VILL: variants seen among roughly 807,000 people sequenced by gnomAD.
VILL encodes the protein villin-like protein.
In VILL, 102 loss-of-function variants were observed where a neutral mutation model predicts 106.3. That is an observed-to-expected ratio of 0.96 (90% CI 0.82 to 1.13). VILL has a LOEUF of 1.13. VILL is among the 50% of genes most tolerant of loss of function. VILL has a pLI of 0.00. For missense variants in VILL, 1,076 were observed against 1,116.6 expected, an observed-to-expected ratio of 0.96 and a Z score of 0.52; for synonymous variants, 431 against 440.3, an observed-to-expected ratio of 0.98 and a Z score of 0.27.
intron 10 of VILL, 106 bp from the exon 11 acceptor site, chr3:37,999,233 G>A (rs1265119607): frequency 1.6e-6 from 2 of 1,212,856 alleles, no homozygotes; most frequent in Admixed American, 3.3e-5. Context: ...TGCGGAGGAC[G>A]CGGCGGGACC....
Position 38,005,978 on chromosome 3 carries a change from AG to A in VILL, c.2133+5del. On this transcript the variant is annotated splice_donor_5th_base_variant and intron_variant, in intron 17 of 19. Coordinates refer to ENST00000383759, the MANE Select transcript of VILL (RefSeq NM_015873.4). ...TTGGGACCCCTACAAGTGGACTGTG[AG>A]TGAGGCCTGAAACCCCCAGCCCTAC... 1 of 1,607,996 alleles carries A rather than the reference AG, an allele frequency of 6.2e-7. No individual in the cohort carries two copies. Among genetic ancestry groups the A allele is most frequent in the South Asian group, 1.1e-5 (1 of 90,634 alleles).
In VILL at chr3:38,006,556, G is replaced by A. The variant is rs919917389; in HGVS notation, c.2313G>A (p.Val771=). The part of the protein sequence containing the change: ...GSQDSSENDL[V]RSPKSAGSRT... Reference sequence around the variant, plus strand: ...AGGACAGCTCAGAGAATGATCTGGTGCGAAGCCCCAAGTCGGCTGGCAGCA... The same window carrying A: ...AGGACAGCTCAGAGAATGATCTGGTACGAAGCCCCAAGTCGGCTGGCAGCA... The change falls in exon 19 of 20, where the codon GTG becomes GTA. Residue 771 remains valine (V), a synonymous_variant. Coordinates refer to ENST00000383759, the MANE Select transcript of VILL (RefSeq NM_015873.4). 1.4e-5 allele frequency: 23 copies of A among 1,614,040 alleles called. No homozygotes were observed. Among genetic ancestry groups the A allele is most frequent in the Non-Finnish European group, 1.9e-5 (22 of 1,180,032 alleles).
intron 18 of VILL, 61 bp from the exon 19 acceptor site, chr3:38,006,388 C>A (rs1381940834): frequency 6.3e-7 from 1 of 1,585,676 alleles, no homozygotes; most frequent in Non-Finnish European, 8.6e-7. Flanking sequence ...GGGTTCAGTG[C>A]AGCCTCCCTG....
At position 37,998,436 on chromosome 3, in the gene VILL, C is replaced by A; in HGVS notation, c.942+72C>A. On this transcript the variant is annotated intron_variant, in intron 9 of 19. Transcript: ENST00000383759. The surrounding 1 kb of genome is among the most constrained non-coding windows in gnomAD (Gnocchi z 4.1). ...GTCTGAGTGGGGAGGCAGCTCCGCC[C>A]CAGGGTCTAAGGGAGGAATCAGCCC... 2 of 1,424,438 alleles carry A rather than the reference C, an allele frequency of 1.4e-6. No homozygotes were observed. The highest frequency in any genetic ancestry group is 2.0e-6 in the Non-Finnish European group (2 of 1,015,794). 88.2% of individuals were successfully genotyped at this position (1,424,438 alleles called of 1,614,324 possible).
rs143137431 is a variant in VILL, at chr3:37,998,943, A to ACAC, written c.977_979dup (p.Thr326dup). 0.017 allele frequency: 27,313 copies of ACAC among 1,609,984 alleles called. 455 individuals carry two copies. The highest frequency in any genetic ancestry group is 0.091 in the East Asian group (4,039 of 44,590). On this transcript the variant is annotated inframe_insertion, in exon 10 of 20. Transcript: ENST00000383759. The surrounding 1 kb of genome is among the most constrained non-coding windows in gnomAD (Gnocchi z 4.1). ...ATCCAGGCCAAGGGCTACCCGACCT[A>ACAC]CACCAACGTGGAGGTGGTGAACGAC...
At chr3:37,991,075 C>A in intron 1 of VILL, 1 of 152,390 alleles carries the variant, frequency 6.6e-6, no homozygotes, top group Non-Finnish European at 1.5e-5. Flanking sequence ...GTCCGTGGCC[C>A]ACAAATTCAG....
intron 1 of VILL, among the ~76,000 whole-genome samples, chr3:37,991,934 G>A (rs886155853): frequency 2.0e-5 from 3 of 152,120 alleles, no homozygotes; most frequent in African/African-American, 7.2e-5. Flanking sequence ...GAACACAGGT[G>A]CCATGCGAGT....
chr3:37,996,496 A>G (rs1699703444), intron 5 of VILL, among the ~76,000 whole-genome samples: 1 of 152,200 alleles, frequency 6.6e-6, no homozygotes. Context: ...TGTAATGAAC[A>G]TTCAGGTGTA....
rs576887975 is a variant in VILL, at chr3:37,993,568, G to C, written c.-86-19G>C. The C allele has an allele frequency of 2.1e-4, 220 of 1,042,582 alleles. 4 individuals carry two copies. In the South Asian group the frequency reaches 3.1e-3, roughly 15 times the overall value. 64.6% of individuals were successfully genotyped at this position (1,042,582 alleles called of 1,614,324 possible). A position where few individuals can be genotyped will look rare whatever the true frequency, so the allele number is the denominator to read the frequency against. On this transcript the variant is annotated intron_variant, in intron 1 of 19. Coordinates refer to ENST00000383759, the MANE Select transcript of VILL (RefSeq NM_015873.4). ...TGTTTACAGAGCCCTCCTAATAAAA[G>C]TCATGTTCTATAATGAAGTTGTACA...
Position 37,997,218 on chromosome 3 carries a change from C to T in VILL, c.561+31C>T, listed in dbSNP as rs368396097. The T allele has an allele frequency of 8.1e-6, 13 of 1,601,318 alleles. No homozygotes were observed. The highest frequency in any genetic ancestry group is 1.7e-5 in the Admixed American group (1 of 59,944). On this transcript the variant is annotated intron_variant, in intron 6 of 19. Coordinates refer to ENST00000383759, the MANE Select transcript of VILL (RefSeq NM_015873.4). This position sits in a 1 kb window ranked among gnomAD's most constrained non-coding sequence, Gnocchi z 4.7. ...TGTCTGCCCAAGGAACTGGGGAGTACGGGGCTTGGGCGGGGAATGATCCTC... is the reference window on the plus strand; with the variant it reads ...TGTCTGCCCAAGGAACTGGGGAGTATGGGGCTTGGGCGGGGAATGATCCTC...
At chr3:37,988,350 G>A (rs527599643), upstream of VILL, 1 of 152,018 alleles carries the variant, frequency 6.6e-6, no homozygotes, top group Non-Finnish European at 1.5e-5. Context: ...GATGTGAGCG[G>A]GTTTATGGTT....
chr3:37,996,528 T>C (rs2125531306), intron 5 of VILL, among the ~76,000 whole-genome samples: 1 of 152,328 alleles, frequency 6.6e-6, no homozygotes, highest in South Asian at 2.1e-4. Flanking sequence ...GTGTGAATGG[T>C]AACCCTTGAG....
intron 13 of VILL, 198 bp downstream of exon 13, chr3:38,002,058 T>A (rs999505972): frequency 2.3e-6 from 2 of 854,880 alleles, no homozygotes; most frequent in African/African-American, 3.4e-5. Flanking sequence ...CAGAGCCAGA[T>A]GAGGAATTTG....
intron 15 of VILL, 178 bp downstream of exon 15, chr3:38,003,491 G>C: frequency 1.3e-6 from 1 of 787,776 alleles, no homozygotes; most frequent in African/African-American, 1.9e-5. Flanking sequence ...CCCAGGCCTG[G>C]GTAACTTGCG....
At position 37,997,192 on chromosome 3, in the gene VILL, G is replaced by A. The variant is rs745469446; in HGVS notation, c.561+5G>A. The A allele has an allele frequency of 6.2e-7, 1 of 1,613,900 alleles. No individual in the cohort carries two copies. Among genetic ancestry groups the A allele is most frequent in the East Asian group, 2.2e-5 (1 of 44,880 alleles). On this transcript the variant is annotated splice_donor_5th_base_variant and intron_variant, in intron 6 of 19. Coordinates refer to ENST00000383759, the MANE Select transcript of VILL (RefSeq NM_015873.4). This position sits in a 1 kb window ranked among gnomAD's most constrained non-coding sequence, Gnocchi z 4.7. Reference sequence around the variant, plus strand: ...AGCATTTCTGAGAAGGCTCGGGTCAGTGTCTGCCCAAGGAACTGGGGAGTA... The same window carrying A: ...AGCATTTCTGAGAAGGCTCGGGTCAATGTCTGCCCAAGGAACTGGGGAGTA...
At chr3:37,996,908 T>G (rs1699711888) in intron 5 of VILL, among the ~76,000 whole-genome samples, 169 bp from the exon 6 acceptor site, 1 of 152,082 alleles carries the variant, frequency 6.6e-6, no homozygotes, top group Admixed American at 6.6e-5. Flanking sequence ...GAGTGAGAAG[T>G]GTCATAAGTC....
At chr3:37,991,831 G>A (rs1285735104) in intron 1 of VILL, among the ~76,000 whole-genome samples, 3 of 151,882 alleles carry the variant, frequency 2.0e-5, no homozygotes, top group African/African-American at 7.3e-5. Context: ...GAGGGCAGGA[G>A]GGCTTGGGAG....
chr3:38,000,794 G>C (rs952976477), intron 11 of VILL: 3 of 441,966 alleles, frequency 6.8e-6, no homozygotes, highest in African/African-American at 6.0e-5. Context: ...AACTGTCAGG[G>C]TCAGTGTGGG....
Position 38,006,436 on chromosome 3 carries a change from C to T in VILL, c.2206-13C>T. 1 of 1,587,718 alleles carries T rather than the reference C, an allele frequency of 6.3e-7. No homozygotes were observed. Among genetic ancestry groups the T allele is most frequent in the Non-Finnish European group, 8.6e-7 (1 of 1,162,886 alleles). On this transcript the variant is annotated splice_polypyrimidine_tract_variant and intron_variant, in intron 18 of 19. Coordinates refer to ENST00000383759, the MANE Select transcript of VILL (RefSeq NM_015873.4). ...TCCCCATCTTCCCCAGCCTGAGGCT[C>T]CTCTCTGGACAGGAAGTCAACAACT...
Sources: gnomAD v4.1 joint callset for allele counts (sites outside exome capture counted in the v4.1 genomes callset) on GRCh38, gnomAD v4.1.1 for gene constraint, Gnocchi (gnomAD v3.1) non-coding constraint, MANE v1.5 for transcripts, NCBI Gene and HGNC (gene_info 2026-07-23, HGNC 2026-07-21) for gene names.